The following CACNA1S variants were observed in gnomAD, a reference collection of about 807,000 sequenced individuals.
CACNA1S encodes the protein calcium voltage-gated channel subunit alpha1 S.
A neutral mutation model predicts 207.4 loss-of-function variants in CACNA1S; 126 were observed. The observed-to-expected ratio is 0.61, with a 90% CI of 0.53 to 0.70. The LOEUF (loss-of-function observed/expected upper bound fraction) is 0.70, where lower values mean the gene tolerates loss of function less well. Among genes scored for constraint, CACNA1S ranks in the 30% least tolerant of loss-of-function variants. CACNA1S has a pLI of 0.00. For missense variants in CACNA1S, 2,349 were observed against 2,422.8 expected, an observed-to-expected ratio of 0.97 and a Z score of 0.64; for synonymous variants, 960 against 932.7, an observed-to-expected ratio of 1.03 and a Z score of -0.53.
intron 33 of CACNA1S, among the ~76,000 whole-genome samples, 153 bp from the exon 34 acceptor site, chr1:201,050,669 A>C (rs760347126): frequency 6.6e-6 from 1 of 152,028 alleles, no homozygotes; most frequent in Non-Finnish European, 1.5e-5. Context: ...CACACACAGC[A>C]ATGCTCTGTC....
intron 10 of CACNA1S, among the ~76,000 whole-genome samples, chr1:201,081,499 G>A (rs1030502118): frequency 1.3e-5 from 2 of 152,196 alleles, no homozygotes; most frequent in African/African-American, 2.4e-5. Flanking sequence ...GGACGAGGCC[G>A]ACTCACTGAC....
Position 201,056,072 on chromosome 1 carries a change from C to CAG in CACNA1S, c.3610-1512_3610-1511insCT, listed in dbSNP as rs1488923973. On this transcript the variant is annotated intron_variant, in intron 28 of 43. Transcript: ENST00000362061. ...ACACACAGACAGACAGACAGACAGA[C>CAG]ACACACACACACACACACACACACA... 4.1e-3 allele frequency among the ~76,000 whole-genome samples: 513 copies of CAG among 124,018 alleles called. 3 individuals carry two copies. Among genetic ancestry groups the CAG allele is most frequent in the African/African-American group, 0.013 (446 of 33,974 alleles). The allele number at this position is 124,018 out of a possible 152,430, so 81.4% of individuals were successfully genotyped here. A position where few individuals can be genotyped will look rare whatever the true frequency, so the allele number is the denominator to read the frequency against.
chr1:201,100,256 A>G (rs1558085529), intron 2 of CACNA1S, among the ~76,000 whole-genome samples: 2 of 152,254 alleles, frequency 1.3e-5, no homozygotes, highest in Non-Finnish European at 2.9e-5. Flanking sequence ...AGAGGTTGGA[A>G]GTGAGACTTA....
Position 201,066,266 on chromosome 1 carries a change from C to T in CACNA1S, c.2708G>A (p.Arg903Gln), listed in dbSNP as rs1452713683. 1 of 1,613,536 alleles carries T rather than the reference C, an allele frequency of 6.2e-7. No individual in the cohort carries two copies. Among genetic ancestry groups the T allele is most frequent in the Non-Finnish European group, 8.5e-7 (1 of 1,179,974 alleles). ...GGCTCTGTTGATGGCTCTGAGTGGT[C>T]GGAGCACCCTCAGCACCCTCAGGAT... ...VKILRVLRVL[R>Q]PLRAINRAKG... The change falls in exon 21 of 44, where the codon CGA becomes CAA. Residue 903 changes from arginine (R) to glutamine (Q), a missense_variant. Transcript: ENST00000362061. This position sits in a 1 kb window ranked among gnomAD's most constrained non-coding sequence, Gnocchi z 4.3.
chr1:201,046,586 A>C (rs1660479735), intron 38 of CACNA1S, among the ~76,000 whole-genome samples: 1 of 151,354 alleles, frequency 6.6e-6, no homozygotes, highest in Non-Finnish European at 1.5e-5. Flanking sequence ...TCTGTCGCCC[A>C]GGCTGAGGTT....
intron 28 of CACNA1S, among the ~76,000 whole-genome samples, chr1:201,056,493 G>C (rs2102567016): frequency 6.6e-6 from 1 of 152,348 alleles, no homozygotes; most frequent in Admixed American, 6.5e-5. Flanking sequence ...CTATGCATGG[G>C]TGAGCCCCTA....
intron 38 of CACNA1S, 106 bp downstream of exon 38, chr1:201,047,009 C>G (rs1660492127): frequency 2.7e-6 from 4 of 1,460,784 alleles, no homozygotes; most frequent in Non-Finnish European, 3.8e-6. Flanking sequence ...TCCTTTTTCC[C>G]TCTATGTCTC....
At chr1:201,070,890 T>C (rs1661419049) in intron 16 of CACNA1S, among the ~76,000 whole-genome samples, 1 of 152,242 alleles carries the variant, frequency 6.6e-6, no homozygotes, top group South Asian at 2.1e-4. Flanking sequence ...AAAAGGACCC[T>C]GTGATCCTCT....
At position 201,099,571 on chromosome 1, in the gene CACNA1S, C is replaced by T. The variant is rs533368462; in HGVS notation, c.259-5550G>A. On this transcript the variant is annotated intron_variant, in intron 2 of 43. Coordinates refer to ENST00000362061, the MANE Select transcript of CACNA1S (RefSeq NM_000069.3). ...TATTCGTTGTTAACTCTTTAAGGCA[C>T]GTGTGCTGCATGGAGGCAAGGTGGA... is the stretch of plus-strand genomic sequence containing the variant. Among the ~76,000 whole-genome samples the T allele has an allele frequency of 1.1e-4, 16 of 152,264 alleles. No individual in the cohort carries two copies. The South Asian group carries it at 2.5e-3, about 24-fold the overall frequency.
intron 2 of CACNA1S, among the ~76,000 whole-genome samples, chr1:201,096,243 C>G (rs1662426297): frequency 6.6e-6 from 1 of 152,202 alleles, no homozygotes; most frequent in Non-Finnish European, 1.5e-5. Context: ...CATACTCCCT[C>G]CAGCCCAACC....
intron 3 of CACNA1S, among the ~76,000 whole-genome samples, chr1:201,092,495 A>G (rs1214778897): frequency 6.6e-6 from 1 of 152,172 alleles, no homozygotes; most frequent in African/African-American, 2.4e-5. Context: ...CTCCACAGCA[A>G]GTTCTCCCTC....
chr1:201,056,968 G>T (rs1281000597), intron 28 of CACNA1S, among the ~76,000 whole-genome samples: 1 of 151,976 alleles, frequency 6.6e-6, no homozygotes, highest in Non-Finnish European at 1.5e-5. Context: ...GGCCCCCATC[G>T]CCTCTCACCT....
intron 3 of CACNA1S, 23 bp from the exon 4 acceptor site, chr1:201,092,137 A>T (rs886768620): frequency 6.2e-7 from 1 of 1,613,554 alleles, no homozygotes; most frequent in African/African-American, 1.3e-5. Flanking sequence ...AGAGGGAGAG[A>T]GGGGGTCCAG....
At chr1:201,094,873 C>T (rs928893415) in intron 2 of CACNA1S, among the ~76,000 whole-genome samples, 2 of 152,030 alleles carry the variant, frequency 1.3e-5, no homozygotes, top group Non-Finnish European at 2.9e-5. Context: ...TCTGGGTTAC[C>T]CTATCCTTGG....
intron 5 of CACNA1S, among the ~76,000 whole-genome samples, chr1:201,090,137 T>A (rs1471758695): frequency 1.3e-5 from 2 of 152,216 alleles, no homozygotes; most frequent in East Asian, 3.8e-4. Flanking sequence ...CCCATATTTA[T>A]CTATTTACCA....
intron 27 of CACNA1S, 74 bp from the exon 28 acceptor site, chr1:201,058,565 A>G: frequency 3.3e-6 from 4 of 1,214,958 alleles, no homozygotes; most frequent in Non-Finnish European, 3.7e-6. Flanking sequence ...GGCAGAGGAC[A>G]GTGTCCCACC....
At chr1:201,074,831 A>T (rs1202154843) in intron 13 of CACNA1S, among the ~76,000 whole-genome samples, 2 of 152,148 alleles carry the variant, frequency 1.3e-5, no homozygotes, top group Non-Finnish European at 2.9e-5. Flanking sequence ...GTGGCCTTGA[A>T]TCCCATCCGT....
intron 6 of CACNA1S, among the ~76,000 whole-genome samples, chr1:201,088,944 G>A (rs1662126068): frequency 6.6e-6 from 1 of 152,242 alleles, no homozygotes; most frequent in African/African-American, 2.4e-5. Flanking sequence ...CTCAAAAAGT[G>A]TGAAATTCTA....
At chr1:201,055,651 A>G (rs1558059244) in intron 28 of CACNA1S, among the ~76,000 whole-genome samples, 1 of 152,144 alleles carries the variant, frequency 6.6e-6, no homozygotes, top group Non-Finnish European at 1.5e-5. Context: ...TGGCTACTCT[A>G]TTGGACAGGG....
Sources: allele counts gnomAD v4.1 joint callset (sites outside exome capture counted in the v4.1 genomes callset), GRCh38; gene constraint gnomAD v4.1.1; non-coding constraint Gnocchi (gnomAD v3.1); transcripts MANE v1.5; gene names NCBI Gene and HGNC (gene_info 2026-07-23, HGNC 2026-07-21).